The following EHD4 variants were observed in gnomAD, a reference collection of about 807,000 sequenced individuals.
The protein encoded by EHD4 is EH domain-containing protein 4.
EHD4 carries 37 observed loss-of-function variants against 51.0 expected under a neutral mutation model. The ratio of observed to expected loss-of-function variants is 0.73; its 90% CI spans 0.56 to 0.95. The LOEUF is 0.95. Ranked by LOEUF, EHD4 falls within the 40% of genes least tolerant of loss-of-function variation. The probability of loss-of-function intolerance (pLI) is 0.00; values close to 1 mark genes in which losing one functional copy is unlikely to be tolerated. For synonymous variants in EHD4, 297 were observed against 317.3 expected (o/e 0.94, Z 0.68); for missense variants, 632 against 733.1 (o/e 0.86, Z 1.59).
Position 41,900,651 on chromosome 15 carries a change from G to T in EHD4, c.1620C>A (p.Ala540=). The T allele has an allele frequency of 1.3e-6, 2 of 1,588,432 alleles. No individual in the cohort carries two copies. Among genetic ancestry groups the T allele is most frequent in the South Asian group, 2.2e-5 (2 of 90,290 alleles). ...CCGTTCTGCAGCCCACCCCTCAGTCGGCCTTGGGCAGGGACTTCCTGTGCG... is the reference window on the plus strand; with the variant it reads ...CCGTTCTGCAGCCCACCCCTCAGTCTGCCTTGGGCAGGGACTTCCTGTGCG... ...PPSHRKSLPK[A]D is the part of the protein sequence containing the mutation. The change falls in exon 6 of 6, where the codon GCC becomes GCA. Residue 540 remains alanine, a synonymous_variant. Transcript: ENST00000220325. The surrounding 1 kb of genome is among the most constrained non-coding windows in gnomAD (Gnocchi z 4.8).
intron 5 of EHD4, among the ~76,000 whole-genome samples, chr15:41,906,989 T>C (rs905440906): frequency 2.0e-5 from 3 of 152,218 alleles, no homozygotes; most frequent in Non-Finnish European, 4.4e-5. Context: ...GCTTTCCTTG[T>C]TGCCTTCCCC....
chr15:41,965,880 T>C (rs954065337), intron 1 of EHD4, among the ~76,000 whole-genome samples: 5 of 152,042 alleles, frequency 3.3e-5, no homozygotes, highest in African/African-American at 1.2e-4. Context: ...GCTGCTGGCC[T>C]GCAGCGCTTC....
chr15:41,909,591 T>C, intron 5 of EHD4, 108 bp downstream of exon 5: 1 of 1,290,930 alleles, frequency 7.7e-7, no homozygotes, highest in South Asian at 1.3e-5. Context: ...AGATGCGTTG[T>C]CCTTGATCCT....
chr15:41,904,077 C>T (rs1220417935), intron 5 of EHD4, among the ~76,000 whole-genome samples: 6 of 152,204 alleles, frequency 3.9e-5, no homozygotes, highest in African/African-American at 4.8e-5. Context: ...GCTGGGTCAA[C>T]GAGTTTGGAT....
At chr15:41,936,003 C>T (rs537927918) in intron 3 of EHD4, among the ~76,000 whole-genome samples, 27 of 152,272 alleles carry the variant, frequency 1.8e-4, no homozygotes, top group Admixed American at 1.5e-3. Context: ...ACAGAATGGC[C>T]GTCTCAGTCA....
intron 4 of EHD4, among the ~76,000 whole-genome samples, chr15:41,915,091 C>T (rs922353824): frequency 5.4e-5 from 7 of 130,218 alleles, no homozygotes; most frequent in Non-Finnish European, 1.2e-4. Flanking sequence ...TGGAGACACA[C>T]ACACACACAC....
chr15:41,960,448 AT>A (rs2067917250), intron 1 of EHD4, among the ~76,000 whole-genome samples: 1 of 152,188 alleles, frequency 6.6e-6, no homozygotes, highest in Non-Finnish European at 1.5e-5. Flanking sequence ...TCCTCATACC[AT>A]TAAAAATTCT....
chr15:41,939,617 T>A (rs955435306), intron 3 of EHD4, among the ~76,000 whole-genome samples: 1 of 151,264 alleles, frequency 6.6e-6, no homozygotes, highest in Non-Finnish European at 1.5e-5. Context: ...AGAATCAATA[T>A]GGTGAAACCC....
chr15:41,957,156 C>A (rs1170489350), intron 1 of EHD4, among the ~76,000 whole-genome samples: 1 of 152,030 alleles, frequency 6.6e-6, no homozygotes, highest in Non-Finnish European at 1.5e-5. Flanking sequence ...ATGGAGAAAC[C>A]CCGTCTCTAC....
chr15:41,936,038 T>C (rs140217806), intron 3 of EHD4, among the ~76,000 whole-genome samples: 74 of 152,318 alleles, frequency 4.9e-4, no homozygotes, highest in Middle Eastern at 3.4e-3. Flanking sequence ...CTAAGAGTAG[T>C]TGGACTTTTT....
At chr15:41,932,824 G>T (rs1160101910) in intron 3 of EHD4, among the ~76,000 whole-genome samples, 1 of 152,136 alleles carries the variant, frequency 6.6e-6, no homozygotes, top group East Asian at 1.9e-4. Flanking sequence ...GGAAGAGCAA[G>T]GCCCTTGTCT....
chr15:41,951,042 A>C (rs968984473), intron 2 of EHD4, among the ~76,000 whole-genome samples: 4 of 152,204 alleles, frequency 2.6e-5, no homozygotes, highest in African/African-American at 9.7e-5. Flanking sequence ...CCTAAGAGTT[A>C]AATAGGGGGC....
chr15:41,972,309 G>T lies in EHD4; in HGVS notation c.186C>A (p.Pro62=). 3.1e-6 allele frequency: 5 copies of T among 1,611,114 alleles called. No homozygotes were observed. The highest frequency in any genetic ancestry group is 4.2e-6 in the Non-Finnish European group (5 of 1,178,758). The change falls in exon 1 of 6, where the codon CCC becomes CCA. Residue 62 remains proline (P), a synonymous_variant. Coordinates refer to ENST00000220325, the MANE Select transcript of EHD4 (RefSeq NM_139265.4). ...ALEDADFENK[P]MILLVGQYST... ...TGTACTGGCCCACCAGCAGGATCATGGGCTTGTTCTCGAAGTCGGCGTCCT... is the reference window on the plus strand; with the variant it reads ...TGTACTGGCCCACCAGCAGGATCATTGGCTTGTTCTCGAAGTCGGCGTCCT...
intron 3 of EHD4, among the ~76,000 whole-genome samples, chr15:41,931,721 G>A (rs1215513153): frequency 1.3e-5 from 2 of 149,512 alleles, no homozygotes; most frequent in Non-Finnish European, 3.0e-5. Context: ...CTGTCACCCA[G>A]GCTGGAATGC....
At chr15:41,924,037 G>A (rs566469231) in intron 3 of EHD4, among the ~76,000 whole-genome samples, 18 of 152,280 alleles carry the variant, frequency 1.2e-4, no homozygotes, top group African/African-American at 4.3e-4. Flanking sequence ...CTGTAAGATC[G>A]GGTTGTTGAG....
chr15:41,940,168 G>A (rs2067759681), intron 3 of EHD4, among the ~76,000 whole-genome samples: 1 of 152,224 alleles, frequency 6.6e-6, no homozygotes, highest in East Asian at 1.9e-4. Context: ...GAAAGGAGGA[G>A]CAGTGGAGGG....
chr15:41,934,926 G>A (rs2067722141), intron 3 of EHD4, among the ~76,000 whole-genome samples: 1 of 152,260 alleles, frequency 6.6e-6, no homozygotes, highest in Non-Finnish European at 1.5e-5. Flanking sequence ...ACAGAAGATT[G>A]AAAAAGACAA....
In EHD4 at chr15:41,919,505, A is replaced by T; in HGVS notation, c.629T>A (p.Phe210Tyr). The change falls in exon 4 of 6, where the codon TTC becomes TAC. Residue 210 changes from phenylalanine (F) to tyrosine (Y), a missense_variant. Transcript: ENST00000220325. ...ACGGATCTTGTCGTCCTGGCCCCGG[A>T]AGGCCTTGATGGCCTCTGAGAATTC... Reference protein sequence around the residue: ...SDEFSEAIKAFRGQDDKIRVV... With the variant: ...SDEFSEAIKAYRGQDDKIRVV... The T allele has an allele frequency of 6.4e-7, 1 of 1,552,124 alleles. No homozygotes were observed. Among genetic ancestry groups the T allele is most frequent in the East Asian group, 2.2e-5 (1 of 44,496 alleles).
chr15:41,943,178 A>G lies in EHD4; in HGVS notation c.414-14T>C. The G allele has an allele frequency of 6.4e-7, 1 of 1,567,534 alleles. No homozygotes were observed. The highest frequency in any genetic ancestry group is 8.7e-7 in the Non-Finnish European group (1 of 1,154,500). On this transcript the variant is annotated splice_polypyrimidine_tract_variant and intron_variant, in intron 2 of 5. Transcript: ENST00000220325. The stretch of plus-strand genomic sequence containing the variant: ...GAGCACATGAATCTGGAAGAGACGG[A>G]TCAAAGGAGGGGTCAGAAACTGGGC...
Sources: allele counts gnomAD v4.1 joint callset (sites outside exome capture counted in the v4.1 genomes callset), GRCh38; gene constraint gnomAD v4.1.1; non-coding constraint Gnocchi (gnomAD v3.1); transcripts MANE v1.5; gene names NCBI Gene and HGNC (gene_info 2026-07-23, HGNC 2026-07-21).